Variants in INPP4B observed in about 807,000 individuals in gnomAD.
INPP4B encodes inositol polyphosphate 4-phosphatase type II.
In INPP4B, 55 loss-of-function variants were observed where a neutral mutation model predicts 122.5. That is an observed-to-expected ratio of 0.45 (90% confidence interval 0.36 to 0.56). The LOEUF (loss-of-function observed/expected upper bound fraction) is 0.56, where lower values mean the gene tolerates loss of function less well. Among genes scored for constraint, INPP4B ranks in the 20% least tolerant of loss-of-function variants. INPP4B has a pLI of 0.00. For synonymous variants in INPP4B, 403 were observed against 388.7 expected, an observed-to-expected ratio of 1.04 and a Z score of -0.43; for missense variants, 1,000 against 1,097.7, an observed-to-expected ratio of 0.91 and a Z score of 1.26.
At chr4:142,711,136 A>G (rs151249681) in intron 2 of INPP4B, among the ~76,000 whole-genome samples, 1 of 152,270 alleles carries the variant, frequency 6.6e-6, no homozygotes, top group East Asian at 1.9e-4. Context: ...GGCCTTAGTG[A>G]AAGGAAAGTC....
chr4:142,437,395 A>G (rs1395391756), intron 3 of INPP4B, among the ~76,000 whole-genome samples: 1 of 152,118 alleles, frequency 6.6e-6, no homozygotes, highest in Non-Finnish European at 1.5e-5. Flanking sequence ...TTCAAATTCA[A>G]GAAATACAAA....
At chr4:142,688,552 T>C (rs1759707147) in intron 2 of INPP4B, among the ~76,000 whole-genome samples, 1 of 152,150 alleles carries the variant, frequency 6.6e-6, no homozygotes, top group Non-Finnish European at 1.5e-5. Context: ...GAGAAAATTA[T>C]GAGTGTAAAA....
rs761707051 is a variant in INPP4B at position 142,031,363 on chromosome 4, C to T, written c.2643-2449G>A. Among the ~76,000 whole-genome samples the T allele has an allele frequency of 2.3e-4, 35 of 152,176 alleles. 1 individual carries two copies. The highest frequency in any genetic ancestry group is 4.1e-4 in the Non-Finnish European group (28 of 68,024). On this transcript the variant is annotated intron_variant, in intron 25 of 25. Coordinates refer to ENST00000262992, the MANE Select transcript of INPP4B (RefSeq NM_001101669.3). Reference sequence around the variant, plus strand: ...TAGCCATGGCTGATTTCTAGTCCTTCGCAATCCCCAAACAAGTCCTATACA... The same window carrying T: ...TAGCCATGGCTGATTTCTAGTCCTTTGCAATCCCCAAACAAGTCCTATACA...
chr4:142,479,614 A>G (rs1384115635), intron 2 of INPP4B, among the ~76,000 whole-genome samples: 2 of 150,716 alleles, frequency 1.3e-5, no homozygotes, highest in African/African-American at 5.0e-5. Flanking sequence ...TATATACCAT[A>G]GGATACTATA....
chr4:142,154,815 C>T (rs528942134), intron 17 of INPP4B, among the ~76,000 whole-genome samples: 102 of 152,166 alleles, frequency 6.7e-4, no homozygotes, highest in Middle Eastern at 3.4e-3. Context: ...GAGTACCTTT[C>T]GTGTTCACAT....
At chr4:142,515,206 C>T (rs1352221694) in intron 2 of INPP4B, among the ~76,000 whole-genome samples, 3 of 152,090 alleles carry the variant, frequency 2.0e-5, no homozygotes, top group African/African-American at 7.2e-5. Flanking sequence ...AAACTCTTGC[C>T]TGGAAGACTG....
intron 7 of INPP4B, among the ~76,000 whole-genome samples, chr4:142,389,204 T>C (rs1219386409): frequency 6.7e-6 from 1 of 149,624 alleles, no homozygotes; most frequent in African/African-American, 2.5e-5. Context: ...AAGACAAGAT[T>C]GCCCCACTGC....
At chr4:142,149,237 G>A (rs1164985959) in intron 17 of INPP4B, among the ~76,000 whole-genome samples, 1 of 152,196 alleles carries the variant, frequency 6.6e-6, no homozygotes, top group African/African-American at 2.4e-5. Context: ...TGGAGGAAAG[G>A]AAGGCAGGTA....
At chr4:142,313,446 T>G (rs550501041) in intron 8 of INPP4B, among the ~76,000 whole-genome samples, 2 of 152,210 alleles carry the variant, frequency 1.3e-5, no homozygotes, top group African/African-American at 4.8e-5. Flanking sequence ...GAGTATGCAT[T>G]TAGGATGGAG....
intron 3 of INPP4B, among the ~76,000 whole-genome samples, chr4:142,432,787 C>A (rs990140962): frequency 6.6e-6 from 1 of 152,012 alleles, no homozygotes; most frequent in South Asian, 2.1e-4. Flanking sequence ...AAGACTCAAC[C>A]CACAATCCTG....
chr4:142,460,499 A>T (rs7672965), intron 3 of INPP4B, among the ~76,000 whole-genome samples: 44,105 of 151,988 alleles, frequency 0.29, 8,015 homozygotes, highest in African/African-American at 0.49. Context: ...CCTACATTTA[A>T]GTTTCAATGT....
At chr4:142,048,407 GGGCTTA>G (rs1490311796) in intron 25 of INPP4B, among the ~76,000 whole-genome samples, 1 of 152,070 alleles carries the variant, frequency 6.6e-6, no homozygotes, top group Non-Finnish European at 1.5e-5. Flanking sequence ...TTATCAGAGT[GGGCTTA>G]GGCTTAGGGT....
intron 15 of INPP4B, among the ~76,000 whole-genome samples, chr4:142,191,462 G>T (rs1435381684): frequency 5.3e-5 from 8 of 152,156 alleles, no homozygotes; most frequent in Non-Finnish European, 1.0e-4. Context: ...TCCCCACTCA[G>T]ATTCCATGGG....
chr4:142,758,828 T>G (rs954942848), intron 1 of INPP4B, among the ~76,000 whole-genome samples: 1 of 151,772 alleles, frequency 6.6e-6, no homozygotes, highest in African/African-American at 2.4e-5. Flanking sequence ...CAGTGTACAC[T>G]TGTAGTTCCA....
Position 142,567,576 on chromosome 4 carries a change from A to G in INPP4B, c.-190-104850T>C, listed in dbSNP as rs541284495. 2.0e-5 allele frequency among the ~76,000 whole-genome samples: 3 copies of G among 152,290 alleles called. No homozygotes were observed. The South Asian group carries it at 6.2e-4, about 32-fold the overall frequency. ...CCTTCATTTTAGGTAATACATGAAA[A>G]TGTTGAATAAATATATGCTGAAATA... On this transcript the variant is annotated intron_variant, in intron 2 of 25. Coordinates refer to ENST00000262992, the MANE Select transcript of INPP4B (RefSeq NM_001101669.3).
chr4:142,144,912 ACT>A (rs1809848168), intron 18 of INPP4B, among the ~76,000 whole-genome samples: 2 of 151,960 alleles, frequency 1.3e-5, no homozygotes, highest in African/African-American at 4.8e-5. Flanking sequence ...TTTTCTTATG[ACT>A]CTTTTTTTTT....
chr4:142,777,175 T>C (rs1774050112), intron 1 of INPP4B, among the ~76,000 whole-genome samples: 1 of 152,116 alleles, frequency 6.6e-6, no homozygotes, highest in Non-Finnish European at 1.5e-5. Flanking sequence ...GACCTCTCAG[T>C]ACTCCCCGCC....
intron 1 of INPP4B, among the ~76,000 whole-genome samples, chr4:142,778,710 C>G (rs1285593011): frequency 6.6e-6 from 1 of 152,102 alleles, no homozygotes; most frequent in African/African-American, 2.4e-5. Flanking sequence ...TCTGACAAGG[C>G]AAGCATGCAA....
chr4:142,512,931 GC>G (rs1824929893), intron 2 of INPP4B, among the ~76,000 whole-genome samples: 1 of 152,038 alleles, frequency 6.6e-6, no homozygotes. Flanking sequence ...ATTACTCTAA[GC>G]TTTTCTCTAT....
Sources: gnomAD v4.1 joint callset for allele counts (sites outside exome capture counted in the v4.1 genomes callset) on GRCh38, gnomAD v4.1.1 for gene constraint, MANE v1.5 for transcripts, NCBI Gene and HGNC (gene_info 2026-07-23, HGNC 2026-07-21) for gene names.